Variants in PHF24 observed in about 807,000 individuals in gnomAD.
PHF24 encodes PHD finger protein 24, also known as Galpha inhibitory interacting protein.
In PHF24, 25 loss-of-function variants were observed where a neutral mutation model predicts 42.6. The observed-to-expected ratio is 0.59, with a 90% CI of 0.43 to 0.82. PHF24 has a LOEUF of 0.82. PHF24 is among the 40% of genes least tolerant of loss of function. The pLI, the probability that PHF24 is intolerant of heterozygous loss-of-function variation, is 0.00. For missense variants in PHF24, 470 were observed against 538.1 expected, an observed-to-expected ratio of 0.87 and a Z score of 1.25; for synonymous variants, 185 against 204.8, an observed-to-expected ratio of 0.90 and a Z score of 0.83.
chr9:34,968,752 A>G (rs573801481), intron 1 of PHF24, among the ~76,000 whole-genome samples: 1 of 152,378 alleles, frequency 6.6e-6, no homozygotes, highest in South Asian at 2.1e-4. Flanking sequence ...CTAATTGGAA[A>G]ATGTTTATTA....
the PHF24 span, among the ~76,000 whole-genome samples, chr9:34,737,747 A>G: frequency 6.6e-6 from 1 of 152,158 alleles, no homozygotes; most frequent in Non-Finnish European, 1.5e-5. Context: ...TGTGATTTCT[A>G]AAAGCCAACT....
At chr9:34,797,858 G>GC in the PHF24 span, among the ~76,000 whole-genome samples, 2 of 152,048 alleles carry the variant, frequency 1.3e-5, no homozygotes, top group Admixed American at 6.5e-5. Flanking sequence ...CAGGGACCAT[G>GC]CCCTCCTCTA....
the PHF24 span, among the ~76,000 whole-genome samples, chr9:34,770,397 C>T: frequency 6.6e-6 from 1 of 152,194 alleles, no homozygotes; most frequent in African/African-American, 2.4e-5. Flanking sequence ...GGAGCTACTG[C>T]AATCTCACAC....
the PHF24 span, among the ~76,000 whole-genome samples, chr9:34,879,297 C>T: frequency 6.6e-6 from 1 of 152,170 alleles, no homozygotes; most frequent in Non-Finnish European, 1.5e-5. Flanking sequence ...AATCAGAGCA[C>T]CCCTTCTCCT....
the PHF24 span, among the ~76,000 whole-genome samples, chr9:34,758,820 G>T: frequency 6.6e-6 from 1 of 152,264 alleles, no homozygotes; most frequent in South Asian, 2.1e-4. The surrounding 1 kb of genome is among the most constrained non-coding windows in gnomAD (Gnocchi z 4.4). Context: ...TTCTCCTGTA[G>T]TAAGGACTGT....
the PHF24 span, among the ~76,000 whole-genome samples, chr9:34,669,648 A>G: frequency 6.6e-6 from 1 of 150,766 alleles, no homozygotes; most frequent in African/African-American, 2.4e-5. Flanking sequence ...GATCTGTAGG[A>G]GGCTGTGGCT....
At chr9:34,905,047 T>A in the PHF24 span, among the ~76,000 whole-genome samples, 1 of 152,008 alleles carries the variant, frequency 6.6e-6, no homozygotes, top group Non-Finnish European at 1.5e-5. Flanking sequence ...TTTATCACTA[T>A]AAATTAGTAA....
chr9:34,976,456 C>T lies in PHF24; in HGVS notation c.644-79C>T, dbSNP rs185667541. 60 of 1,488,912 alleles carry T rather than the reference C, an allele frequency of 4.0e-5. No homozygotes were observed. In the East Asian group the frequency reaches 9.6e-4, roughly 24 times the overall value. 92.2% of individuals were successfully genotyped at this position (1,488,912 alleles called of 1,614,324 possible). ...GCAAGAGCTGTGGGTTTGGGGGCCCCGAGGGTGCCCTGGAGGTGATGGAGG... is the reference window on the plus strand; with the variant it reads ...GCAAGAGCTGTGGGTTTGGGGGCCCTGAGGGTGCCCTGGAGGTGATGGAGG... On this transcript the variant is annotated intron_variant, in intron 4 of 7. Transcript: ENST00000242315.
the PHF24 span, among the ~76,000 whole-genome samples, chr9:34,730,668 T>C: frequency 3.0e-4 from 46 of 152,364 alleles, no homozygotes; most frequent in African/African-American, 1.1e-3. Context: ...TATATACTCA[T>C]TCGTAAGGCT....
At chr9:34,726,472 G>A in the PHF24 span, 1 of 1,551,524 alleles carries the variant, frequency 6.4e-7, no homozygotes, top group East Asian at 2.4e-5. Flanking sequence ...AGGAGACCTG[G>A]GAATTCAAGT....
chr9:34,974,482 G>A (rs564677157), intron 3 of PHF24, among the ~76,000 whole-genome samples: 19 of 152,194 alleles, frequency 1.2e-4, no homozygotes, highest in African/African-American at 3.9e-4. Flanking sequence ...TGTAACCACC[G>A]TTAACATTAC....
the PHF24 span, chr9:34,918,349 A>G: frequency 1.3e-6 from 1 of 746,818 alleles, no homozygotes; most frequent in Admixed American, 1.9e-5. Flanking sequence ...TCCCACTCCA[A>G]CTCTTCCCCC....
the PHF24 span, among the ~76,000 whole-genome samples, chr9:34,721,378 A>G: frequency 6.9e-6 from 1 of 145,502 alleles, no homozygotes; most frequent in Admixed American, 6.9e-5. Context: ...ACCCTTTCTA[A>G]CACTAATTGC....
chr9:34,793,302 A>G, the PHF24 span, among the ~76,000 whole-genome samples: 83 of 152,264 alleles, frequency 5.5e-4, no homozygotes, highest in Non-Finnish European at 9.0e-4. Context: ...ACCATTGTCA[A>G]CCCCATGGAT....
chr9:34,807,280 G>A, the PHF24 span, among the ~76,000 whole-genome samples: 144,368 of 152,264 alleles, frequency 0.95, 68,700 homozygotes, highest in Non-Finnish European at 0.99. Flanking sequence ...ATCTTAAGCC[G>A]TGCTAGAAGA....
the PHF24 span, chr9:34,833,115 C>T: frequency 8.4e-6 from 13 of 1,551,446 alleles, no homozygotes; most frequent in Non-Finnish European, 8.7e-7. Context: ...CCCGCATCCC[C>T]TTCTCTGTAG....
chr9:34,772,379 A>G, the PHF24 span, among the ~76,000 whole-genome samples: 1 of 152,324 alleles, frequency 6.6e-6, no homozygotes, highest in Admixed American at 6.5e-5. Flanking sequence ...ATGTTCATCA[A>G]ATGATTTATG....
chr9:34,678,480 G>A, the PHF24 span, among the ~76,000 whole-genome samples: 13 of 151,494 alleles, frequency 8.6e-5, no homozygotes, highest in Admixed American at 3.9e-4. Context: ...GATTACAGGC[G>A]CCTGCCACCA....
At chr9:34,854,235 C>T in the PHF24 span, among the ~76,000 whole-genome samples, 53,231 of 129,882 alleles carry the variant, frequency 0.41, 10,473 homozygotes, top group East Asian at 0.7. Flanking sequence ...CTTCCAGATT[C>T]GTTGCTTTTT....
Sources: gnomAD v4.1 joint callset for allele counts (sites outside exome capture counted in the v4.1 genomes callset) on GRCh38, gnomAD v4.1.1 for gene constraint, Gnocchi (gnomAD v3.1) non-coding constraint, MANE v1.5 for transcripts, NCBI Gene and HGNC (gene_info 2026-07-23, HGNC 2026-07-21) for gene names.